The following NTM variants were observed in gnomAD, a reference collection of about 807,000 sequenced individuals.
NTM encodes the protein neurotrimin.
A neutral mutation model predicts 42.1 loss-of-function variants in NTM; 13 were observed. That is an observed-to-expected ratio of 0.31 (90% CI 0.20 to 0.49). The LOEUF (loss-of-function observed/expected upper bound fraction) is 0.49. Ranked by LOEUF, NTM falls within the 20% of genes least tolerant of loss-of-function variation. The pLI, the probability that NTM is intolerant of heterozygous loss-of-function variation, is 0.99. For missense variants in NTM, 373 were observed against 452.8 expected, an observed-to-expected ratio of 0.82 and a Z score of 1.60; for synonymous variants, 187 against 179.2, an observed-to-expected ratio of 1.04 and a Z score of -0.35.
chr11:131,701,747 A>T (rs780018505), intron 1 of NTM, among the ~76,000 whole-genome samples: 34 of 152,208 alleles, frequency 2.2e-4, no homozygotes, highest in Admixed American at 4.6e-4. Flanking sequence ...GTCCTAGGGC[A>T]TGAGGGCCTA....
chr11:131,454,732 T>C (rs1375033214), intron 1 of NTM, among the ~76,000 whole-genome samples: 1 of 143,622 alleles, frequency 7.0e-6, no homozygotes, highest in Admixed American at 6.8e-5. Flanking sequence ...AGAAAGGGGC[T>C]TGACTTAGAA....
intron 1 of NTM, among the ~76,000 whole-genome samples, chr11:131,703,954 C>T (rs995173273): frequency 6.6e-6 from 1 of 152,182 alleles, no homozygotes; most frequent in African/African-American, 2.4e-5. Context: ...CAGCTCCAGC[C>T]TCTAGGGTTG....
intron 1 of NTM, chr11:131,582,266 A>G (rs559297709): frequency 6.6e-6 from 1 of 152,210 alleles, no homozygotes; most frequent in South Asian, 2.1e-4. Context: ...AAGGGAAAAT[A>G]TGGACTCGAA....
intron 2 of NTM, among the ~76,000 whole-genome samples, chr11:132,020,347 G>C (rs12808076): frequency 0.027 from 4,162 of 151,892 alleles, 81 homozygotes; most frequent in Middle Eastern, 0.11. Context: ...TTATTTTTAT[G>C]ACTGGATTTA....
intron 1 of NTM, among the ~76,000 whole-genome samples, chr11:131,530,137 A>C (rs952647913): frequency 6.6e-6 from 1 of 152,160 alleles, no homozygotes; most frequent in African/African-American, 2.4e-5. Flanking sequence ...TTATATTTTT[A>C]CCAGGCACTT....
At chr11:131,542,894 G>T (rs1591996559) in intron 1 of NTM, among the ~76,000 whole-genome samples, 1 of 152,010 alleles carries the variant, frequency 6.6e-6, no homozygotes, top group East Asian at 1.9e-4. Context: ...GAGCCCTGTA[G>T]TATGTCTGAC....
At chr11:132,038,759 A>G (rs2076813092) in intron 2 of NTM, among the ~76,000 whole-genome samples, 1 of 152,080 alleles carries the variant, frequency 6.6e-6, no homozygotes, top group Non-Finnish European at 1.5e-5. Flanking sequence ...TCAAAGAAGA[A>G]AGCCCACTTT....
intron 3 of NTM, among the ~76,000 whole-genome samples, chr11:132,148,441 C>A (rs560124343): frequency 2.0e-5 from 3 of 152,126 alleles, no homozygotes; most frequent in Non-Finnish European, 1.5e-5. Context: ...CTCAGCCCCC[C>A]TCCTGTCCTG....
intron 4 of NTM, among the ~76,000 whole-genome samples, chr11:132,267,539 G>T (rs1190123592): frequency 1.3e-5 from 2 of 151,186 alleles, no homozygotes; most frequent in Admixed American, 6.6e-5. Context: ...CATGGGAGCT[G>T]GGTGCATGGC....
chr11:131,794,712 G>A (rs1036643698), intron 1 of NTM: 3 of 985,278 alleles, frequency 3.0e-6, no homozygotes, highest in Non-Finnish European at 3.6e-6. Flanking sequence ...GTCCTAGAAT[G>A]CATCTAAAAG....
rs574678811 is a variant in NTM at position 131,638,893 on chromosome 11, T to C, written c.82+268005T>C. Among the ~76,000 whole-genome samples, 6 of 152,244 alleles carry C rather than the reference T, an allele frequency of 3.9e-5. 1 individual carries two copies. In the South Asian group the frequency reaches 1.0e-3, roughly 26 times the overall value. ...AAAAAAAAGTTTAAATTTAGAATAATAACAACAACAATAATAGCTTAGACT... is the reference window on the plus strand; with the variant it reads ...AAAAAAAAGTTTAAATTTAGAATAACAACAACAACAATAATAGCTTAGACT... On this transcript the variant is annotated intron_variant, in intron 1 of 8. Transcript: ENST00000683400.
intron 3 of NTM, among the ~76,000 whole-genome samples, chr11:132,197,443 A>G (rs1334165343): frequency 6.6e-6 from 1 of 152,020 alleles, no homozygotes; most frequent in Non-Finnish European, 1.5e-5. Flanking sequence ...ACCATTTGTC[A>G]TAACCACCCT....
intron 2 of NTM, among the ~76,000 whole-genome samples, chr11:132,014,930 C>T (rs1257470178): frequency 6.6e-6 from 1 of 151,640 alleles, no homozygotes; most frequent in African/African-American, 2.4e-5. Context: ...TTTTTGTTGT[C>T]TGTGCTTTTG....
Position 132,317,743 on chromosome 11 carries a change from G to GC in NTM, c.934+3045dup, listed in dbSNP as rs987041429. On this transcript the variant is annotated intron_variant, in intron 7 of 8. Coordinates refer to ENST00000683400, the MANE Select transcript of NTM (RefSeq NM_001352005.2). The stretch of plus-strand genomic sequence containing the variant: ...GTCTCCCCTTCCCTCTATCCCAGAG[G>GC]CCCCCTTCCCCTGCTGTGCATTACC... The GC allele has an allele frequency of 1.3e-5, 15 of 1,132,060 alleles. No homozygotes were observed. The African/African-American group carries it at 1.5e-4, about 11-fold the overall frequency. 70.1% of individuals were successfully genotyped at this position (1,132,060 alleles called of 1,614,324 possible).
intron 2 of NTM, among the ~76,000 whole-genome samples, chr11:131,935,680 G>A (rs996783191): frequency 1.3e-5 from 2 of 152,098 alleles, no homozygotes; most frequent in Non-Finnish European, 2.9e-5. Flanking sequence ...CAAGGGCCAG[G>A]TACAATTTAT....
At chr11:132,060,504 G>A (rs1012052329) in intron 2 of NTM, among the ~76,000 whole-genome samples, 2 of 144,920 alleles carry the variant, frequency 1.4e-5, no homozygotes, top group Admixed American at 1.4e-4. Flanking sequence ...GCTGTCCTCC[G>A]CTGATGAAAG....
chr11:131,540,154 GTTTTTTTTTTTTT>G (rs57022166), intron 1 of NTM, among the ~76,000 whole-genome samples: 912 of 86,736 alleles, frequency 0.011, 16 homozygotes, highest in African/African-American at 0.037. Context: ...ATTTAAGCTT[GTTTTTTTTTTTTT>G]TTTTTTTTTT....
intron 1 of NTM, among the ~76,000 whole-genome samples, chr11:131,862,863 G>A (rs1195996844): frequency 2.6e-5 from 4 of 152,230 alleles, no homozygotes; most frequent in African/African-American, 9.6e-5. Context: ...AGAGCGGAGA[G>A]AGGAAGTCTG....
chr11:131,890,164 C>CTGTA (rs1239409562), intron 1 of NTM, among the ~76,000 whole-genome samples: 76 of 136,928 alleles, frequency 5.6e-4, no homozygotes, highest in African/African-American at 1.5e-3. Flanking sequence ...CTGTCTCTCT[C>CTGTA]TCTCTCTCTC....
Sources: gnomAD v4.1 joint callset for allele counts (sites outside exome capture counted in the v4.1 genomes callset) on GRCh38, gnomAD v4.1.1 for gene constraint, MANE v1.5 for transcripts, NCBI Gene and HGNC (gene_info 2026-07-23, HGNC 2026-07-21) for gene names.